TET1: variants seen among roughly 807,000 people sequenced by gnomAD.
TET1 encodes tet methylcytosine dioxygenase 1, also known as methylcytosine dioxygenase TET1.
In TET1, 13 loss-of-function variants were observed where a neutral mutation model predicts 148.7. That is an observed-to-expected ratio of 0.09 (90% confidence interval 0.06 to 0.14). TET1 has a LOEUF of 0.14. TET1 is among the 10% of genes least tolerant of loss of function. The probability of loss-of-function intolerance (pLI) is 1.00; values close to 1 mark genes in which losing one functional copy is unlikely to be tolerated. For synonymous variants in TET1, 907 were observed against 937.2 expected (o/e 0.97, Z 0.59); for missense variants, 2,182 against 2,553.8 (o/e 0.85, Z 3.14).
At chr10:68,680,304 G>A (rs76240689) in intron 8 of TET1, among the ~76,000 whole-genome samples, 3,174 of 152,228 alleles carry the variant, frequency 0.021, 119 homozygotes, top group African/African-American at 0.072. Context: ...CATATGAGGC[G>A]AAAGCCTCAC....
chr10:68,574,265 T>TC lies in TET1; in HGVS notation c.1914+14dup, dbSNP rs775588138. On this transcript the variant is annotated intron_variant, in intron 2 of 11. Coordinates refer to ENST00000373644, the MANE Select transcript of TET1 (RefSeq NM_030625.3). Reference sequence around the variant, plus strand: ...TGTGCCTCTGGAGGTAAGCAAACAGTCAAGGGGCTGGGAGACAGCTGACAC... The same window carrying TC: ...TGTGCCTCTGGAGGTAAGCAAACAGTCCAAGGGGCTGGGAGACAGCTGACAC... 4 of 1,603,356 alleles carry TC rather than the reference T, an allele frequency of 2.5e-6. No homozygotes were observed. The highest frequency in any genetic ancestry group is 3.4e-6 in the Non-Finnish European group (4 of 1,175,858).
At chr10:68,569,028 C>T (rs1470641621) in intron 1 of TET1, among the ~76,000 whole-genome samples, 3 of 151,972 alleles carry the variant, frequency 2.0e-5, no homozygotes, top group Non-Finnish European at 4.4e-5. Flanking sequence ...ACCTGTGAGT[C>T]TTATTTGTAA....
At chr10:68,624,620 C>T (rs868834888) in intron 3 of TET1, among the ~76,000 whole-genome samples, 1 of 32,364 alleles carries the variant, frequency 3.1e-5, no homozygotes, top group Non-Finnish European at 5.5e-5. Context: ...TTCTTTCTTT[C>T]TTTCTTTCTT....
At chr10:68,624,602 C>CTCTCTTTCTTTCTTTCTTTCTTTCTT (rs2054426665) in intron 3 of TET1, among the ~76,000 whole-genome samples, 1 of 113,852 alleles carries the variant, frequency 8.8e-6, no homozygotes, top group African/African-American at 3.3e-5. Context: ...TTTTCTTTTT[C>CTCTCTTTCTTTCTTTCTTTCTTTCTT]TCTTTCTTTC....
In TET1 at chr10:68,691,210, C is replaced by T. The variant is rs1331517105; in HGVS notation, c.5807C>T (p.Pro1936Leu). Residue 1936 changes from proline to leucine, a missense_variant, in exon 12 of 12, where the codon CCT (proline) becomes CTT (leucine). Physicochemically the swap from Pro to Leu is moderately conservative, Grantham distance 98 (BLOSUM62 -3). This residue lies in a region of TET1 where 380 missense variants were observed against 387.9 expected (regional missense o/e 0.98). Transcript: ENST00000373644. This position sits in a 1 kb window ranked among gnomAD's most constrained non-coding sequence, Gnocchi z 4.4. ...PSTGVTEPLT[P>L]HQPNHQPSFL... is the part of the protein sequence containing the mutation. ...ACTGGTGTGACTGAGCCGCTAACGCCTCATCAGCCAAACCACCAGCCCTCC... is the reference window on the plus strand; with the variant it reads ...ACTGGTGTGACTGAGCCGCTAACGCTTCATCAGCCAAACCACCAGCCCTCC... 3.7e-6 allele frequency: 6 copies of T among 1,614,052 alleles called. No individual in the cohort carries two copies. The South Asian group carries it at 4.4e-5, about 12-fold the overall frequency.
chr10:68,630,669 T>C (rs1017090033), intron 3 of TET1, among the ~76,000 whole-genome samples: 1 of 152,126 alleles, frequency 6.6e-6, no homozygotes, highest in Non-Finnish European at 1.5e-5. Context: ...TTGACTGAGT[T>C]TGGAATTCAG....
chr10:68,607,991 C>T (rs1270744361), intron 3 of TET1, among the ~76,000 whole-genome samples: 3 of 150,570 alleles, frequency 2.0e-5, no homozygotes, highest in Non-Finnish European at 4.4e-5. Flanking sequence ...CACAGTGGTG[C>T]AATCTCGGCT....
At chr10:68,603,249 T>G (rs2054081282) in intron 3 of TET1, among the ~76,000 whole-genome samples, 1 of 152,248 alleles carries the variant, frequency 6.6e-6, no homozygotes, top group African/African-American at 2.4e-5. Context: ...TGAAATCTCC[T>G]GGATCATTTA....
chr10:68,593,300 A>G (rs958964291), intron 2 of TET1, among the ~76,000 whole-genome samples: 1 of 150,178 alleles, frequency 6.7e-6, no homozygotes, highest in African/African-American at 2.4e-5. Context: ...GGTTTTGGTT[A>G]TTAAATGGGG....
chr10:68,645,404 T>G lies in TET1; in HGVS notation c.2675T>G (p.Val892Gly), dbSNP rs780287566. The G allele has an allele frequency of 6.2e-7, 1 of 1,613,932 alleles. No homozygotes were observed. The highest frequency in any genetic ancestry group is 1.3e-5 in the African/African-American group (1 of 74,918). ...AGGAGATTAACATTGGAGCAAGTGG[T>G]AGCCATAGAGGCCCTGACTCAACTC... is the stretch of plus-strand genomic sequence containing the variant. Reference protein sequence around the residue: ...KDRRLTLEQVVAIEALTQLSE... With the variant: ...KDRRLTLEQVGAIEALTQLSE... Residue 892 changes from valine (V) to glycine (G), a missense_variant, in exon 4 of 12, where the codon GTA becomes GGA. Around this residue, in one of 11 missense-constraint regions of TET1, gnomAD observed 582 missense variants for 599.5 expected, o/e 0.97. Coordinates refer to ENST00000373644, the MANE Select transcript of TET1 (RefSeq NM_030625.3).
intron 2 of TET1, among the ~76,000 whole-genome samples, chr10:68,580,736 C>T (rs1030768845): frequency 5.2e-4 from 76 of 144,882 alleles, no homozygotes; most frequent in Non-Finnish European, 7.5e-4. Context: ...GAGCCAAGAT[C>T]GCACCATTGC....
chr10:68,677,850 CT>C (rs2133211348), intron 8 of TET1, among the ~76,000 whole-genome samples: 1 of 152,258 alleles, frequency 6.6e-6, no homozygotes, highest in African/African-American at 2.4e-5. Flanking sequence ...GAACTCCCCA[CT>C]TCAGGTGATT....
chr10:68,579,089 T>C (rs1468515856), intron 2 of TET1, among the ~76,000 whole-genome samples: 1 of 152,214 alleles, frequency 6.6e-6, no homozygotes, highest in East Asian at 1.9e-4. Flanking sequence ...CATGTGGGAA[T>C]AGATAAAATG....
At chr10:68,613,309 G>T (rs371744305) in intron 3 of TET1, among the ~76,000 whole-genome samples, 7 of 152,024 alleles carry the variant, frequency 4.6e-5, no homozygotes, top group Admixed American at 2.6e-4. Flanking sequence ...TAGACTACTT[G>T]TTCCATTTTG....
intron 8 of TET1, among the ~76,000 whole-genome samples, chr10:68,676,157 TTGTGTGTGTGTG>T (rs112413582): frequency 0.016 from 2,086 of 129,180 alleles, 55 homozygotes; most frequent in African/African-American, 0.059. Context: ...ACCTGGCCTT[TTGTGTGTGTGTG>T]TGTGTGTGTG....
intron 3 of TET1, among the ~76,000 whole-genome samples, chr10:68,630,461 C>T (rs1319434383): frequency 6.6e-6 from 1 of 152,114 alleles, no homozygotes; most frequent in Non-Finnish European, 1.5e-5. Flanking sequence ...ATTTTAGGCA[C>T]CTGCCACCAC....
At position 68,681,700 on chromosome 10, in the gene TET1, C is replaced by T. The variant is rs541440717; in HGVS notation, c.4914+212C>T. ...AGTCATTGTTGGCCAAGCTCGTTAG[C>T]TCACGCCTGTAATCCCAGAACTTTG... On this transcript the variant is annotated intron_variant, in intron 9 of 11. Coordinates refer to ENST00000373644, the MANE Select transcript of TET1 (RefSeq NM_030625.3). Among the ~76,000 whole-genome samples the T allele has an allele frequency of 4.6e-5, 7 of 152,242 alleles. No homozygotes were observed. In the South Asian group the frequency reaches 1.5e-3, roughly 32 times the overall value.
At chr10:68,687,733 G>A (rs549899878) in intron 11 of TET1, among the ~76,000 whole-genome samples, 2 of 152,094 alleles carry the variant, frequency 1.3e-5, no homozygotes, top group Admixed American at 1.3e-4. Flanking sequence ...AGACTGTAGT[G>A]TGTGTGCCAC....
intron 2 of TET1, among the ~76,000 whole-genome samples, chr10:68,590,156 A>G (rs2053903092): frequency 1.3e-5 from 2 of 151,900 alleles, no homozygotes; most frequent in South Asian, 4.2e-4. Flanking sequence ...TCTGTTGCCC[A>G]GTCTGGAGTG....
Sources: gnomAD v4.1 joint callset for allele counts (sites outside exome capture counted in the v4.1 genomes callset) on GRCh38, gnomAD v4.1.1 for gene constraint, gnomAD v4.1.1 regional missense constraint, Gnocchi (gnomAD v3.1) non-coding constraint, MANE v1.5 for transcripts, NCBI Gene and HGNC (gene_info 2026-07-23, HGNC 2026-07-21) for gene names.